EPS8: variants seen among roughly 807,000 people sequenced by gnomAD.
The protein encoded by EPS8 is EGFR pathway substrate 8, signaling adaptor, also known as epidermal growth factor receptor kinase substrate 8.
In EPS8, 42 loss-of-function variants were observed where a neutral mutation model predicts 103.8. The ratio of observed to expected loss-of-function variants is 0.40; its 90% CI spans 0.32 to 0.52. The LOEUF (loss-of-function observed/expected upper bound fraction) is 0.52, where lower values mean the gene tolerates loss of function less well. Among genes scored for constraint, EPS8 ranks in the 20% least tolerant of loss-of-function variants. The pLI is 0.40. For missense variants in EPS8, 969 were observed against 1,005.1 expected (o/e 0.96, Z 0.49); for synonymous variants, 344 against 344.6 (o/e 1.00, Z 0.02).
At chr12:15,681,728 C>CA (rs71042267) in intron 2 of EPS8, among the ~76,000 whole-genome samples, 9,945 of 38,788 alleles carry the variant, frequency 0.26, 1,692 homozygotes, top group Non-Finnish European at 0.34. Flanking sequence ...GACTCTGTCT[C>CA]AAAAAAAAAA....
intron 12 of EPS8, 166 bp downstream of exon 12, chr12:15,657,913 G>C: frequency 1.7e-6 from 1 of 594,682 alleles, no homozygotes; most frequent in South Asian, 1.9e-5. Flanking sequence ...TGATTTACAG[G>C]GTTCTTTTAA....
intron 1 of EPS8, among the ~76,000 whole-genome samples, chr12:15,742,918 G>T (rs1452252989): frequency 6.6e-6 from 1 of 152,182 alleles, no homozygotes; most frequent in Non-Finnish European, 1.5e-5. Context: ...CCAGGGCAAT[G>T]AGGCACGAGA....
In EPS8 at chr12:15,716,691, T is replaced by C. The variant is rs1404403590; in HGVS notation, c.-21-33719A>G. Among the ~76,000 whole-genome samples the C allele has an allele frequency of 2.0e-5, 3 of 152,212 alleles. No individual in the cohort carries two copies. Among genetic ancestry groups the C allele is most frequent in the Non-Finnish European group, 2.9e-5 (2 of 68,032 alleles). On this transcript the variant is annotated intron_variant, in intron 1 of 20. Coordinates refer to ENST00000281172, the MANE Select transcript of EPS8 (RefSeq NM_004447.6). The surrounding 1 kb of genome is among the most constrained non-coding windows in gnomAD (Gnocchi z 5.0). ...TTCCCATACTTTGTAACTACAAATA[T>C]AGAGGCAGACAAAATAGGCTGTAAC...
chr12:15,669,839 A>T lies in EPS8; in HGVS notation c.205-14T>A. ...GGTAGTCAAGTGCTTACAATTGGCA[A>T]AAAGGAAAAAGATTTATAACACATA... On this transcript the variant is annotated splice_polypyrimidine_tract_variant and intron_variant, in intron 4 of 20. Coordinates refer to ENST00000281172, the MANE Select transcript of EPS8 (RefSeq NM_004447.6). The T allele has an allele frequency of 6.4e-7, 1 of 1,569,314 alleles. No homozygotes were observed. The highest frequency in any genetic ancestry group is 1.2e-5 in the South Asian group (1 of 83,882).
chr12:15,652,002 T>C (rs1352692970), intron 13 of EPS8, among the ~76,000 whole-genome samples: 3 of 152,204 alleles, frequency 2.0e-5, no homozygotes, highest in African/African-American at 2.4e-5. Context: ...GCCTGAGCTA[T>C]ATTTGTAATG....
chr12:15,720,794 T>C (rs141355503), intron 1 of EPS8, among the ~76,000 whole-genome samples: 82 of 152,280 alleles, frequency 5.4e-4, no homozygotes, highest in Admixed American at 7.8e-4. Flanking sequence ...TCCCTGGGCA[T>C]GTTGCTCCCT....
intron 1 of EPS8, among the ~76,000 whole-genome samples, chr12:15,723,005 GA>G (rs897410926): frequency 2.2e-4 from 28 of 129,766 alleles, no homozygotes; most frequent in Admixed American, 4.7e-4. Flanking sequence ...TCACTTGTTT[GA>G]AAAAAAAAAA....
Position 15,752,687 on chromosome 12 carries a change from A to G in EPS8, c.-22+36474T>C, listed in dbSNP as rs946961432. Among the ~76,000 whole-genome samples the G allele has an allele frequency of 6.6e-6, 1 of 152,070 alleles. No homozygotes were observed. The highest frequency in any genetic ancestry group is 2.4e-5 in the African/African-American group (1 of 41,376). On this transcript the variant is annotated intron_variant, in intron 1 of 20. Transcript: ENST00000281172. This position sits in a 1 kb window ranked among gnomAD's most constrained non-coding sequence, Gnocchi z 4.4. ...TTCTCCTGCTCAGGAGGTAGAGGAG[A>G]TGGGCCTGAGAAGTTATACCCCGAC... is the stretch of plus-strand genomic sequence containing the variant.
rs1947324890 is a variant in EPS8, at chr12:15,787,709, A to G, written c.-22+1452T>C. On this transcript the variant is annotated intron_variant, in intron 1 of 20. Coordinates refer to ENST00000281172, the MANE Select transcript of EPS8 (RefSeq NM_004447.6). This position sits in a 1 kb window ranked among gnomAD's most constrained non-coding sequence, Gnocchi z 4.9. ...TGTGGTGCAATCTTACAAAGTCTCA[A>G]TCTGTGTATTCTGCAATAAAGGCAT... Among the ~76,000 whole-genome samples the G allele has an allele frequency of 6.6e-6, 1 of 152,112 alleles. No individual in the cohort carries two copies. The highest frequency in any genetic ancestry group is 1.5e-5 in the Non-Finnish European group (1 of 68,012).
At chr12:15,732,811 C>T (rs1293156529) in intron 1 of EPS8, 23 of 944,072 alleles carry the variant, frequency 2.4e-5, no homozygotes, top group African/African-American at 1.1e-4. Context: ...CTTGAGCTAG[C>T]GCTGAAGATT....
In EPS8 at chr12:15,757,868, C is replaced by T. The variant is rs915871417; in HGVS notation, c.-22+31293G>A. Among the ~76,000 whole-genome samples the T allele has an allele frequency of 6.6e-6, 1 of 152,196 alleles. No individual in the cohort carries two copies. Among genetic ancestry groups the T allele is most frequent in the Non-Finnish European group, 1.5e-5 (1 of 68,040 alleles). ...CTTAGAAGAACAATAGCGTAAGGTA[C>T]TAGCTCTCACAGTTTCTTTGCATCA... On this transcript the variant is annotated intron_variant, in intron 1 of 20. Coordinates refer to ENST00000281172, the MANE Select transcript of EPS8 (RefSeq NM_004447.6). The surrounding 1 kb of genome is among the most constrained non-coding windows in gnomAD (Gnocchi z 4.1).
At position 15,751,562 on chromosome 12, in the gene EPS8, C is replaced by A. The variant is rs1946931608; in HGVS notation, c.-22+37599G>T. Among the ~76,000 whole-genome samples, 1 of 151,990 alleles carries A rather than the reference C, an allele frequency of 6.6e-6. No individual in the cohort carries two copies. Among genetic ancestry groups the A allele is most frequent in the Admixed American group, 6.6e-5 (1 of 15,262 alleles). On this transcript the variant is annotated intron_variant, in intron 1 of 20. Transcript: ENST00000281172. This position sits in a 1 kb window ranked among gnomAD's most constrained non-coding sequence, Gnocchi z 4.3. ...TGTGCCTCCACAAACACTTATTCAA[C>A]AAATATTTAATGGACAGATTCAATA...
In EPS8 at chr12:15,749,439, A is replaced by G. The variant is rs1180920894; in HGVS notation, c.-22+39722T>C. ...TAAGCAAAGGGCCTGCACATAATAGAGCTCAATAATCATTTGCCTAATGAA... is the reference window on the plus strand; with the variant it reads ...TAAGCAAAGGGCCTGCACATAATAGGGCTCAATAATCATTTGCCTAATGAA... On this transcript the variant is annotated intron_variant, in intron 1 of 20. Coordinates refer to ENST00000281172, the MANE Select transcript of EPS8 (RefSeq NM_004447.6). This position sits in a 1 kb window ranked among gnomAD's most constrained non-coding sequence, Gnocchi z 4.0. Among the ~76,000 whole-genome samples the G allele has an allele frequency of 6.6e-6, 1 of 152,186 alleles. No individual in the cohort carries two copies. Among genetic ancestry groups the G allele is most frequent in the Non-Finnish European group, 1.5e-5 (1 of 68,028 alleles).
chr12:15,650,725 T>A, intron 14 of EPS8, 98 bp downstream of exon 14: 1 of 1,017,410 alleles, frequency 9.8e-7, no homozygotes, highest in Non-Finnish European at 1.5e-6. Flanking sequence ...TCTAGAACAA[T>A]TTTCAGTTGA....
chr12:15,689,805 C>T (rs150377086), intron 1 of EPS8, among the ~76,000 whole-genome samples: 17 of 152,220 alleles, frequency 1.1e-4, no homozygotes, highest in African/African-American at 3.6e-4. Context: ...TTCACTTATA[C>T]GCAGACTCTA....
intron 1 of EPS8, among the ~76,000 whole-genome samples, chr12:15,737,552 C>A (rs904408868): frequency 6.6e-6 from 1 of 152,110 alleles, no homozygotes; most frequent in Non-Finnish European, 1.5e-5. Context: ...CTCACAATGA[C>A]CCTATGAGGG....
Position 15,640,708 on chromosome 12 carries a change from T to C in EPS8, c.1816A>G (p.Ile606Val). The C allele has an allele frequency of 1.2e-6, 2 of 1,613,636 alleles. No individual in the cohort carries two copies. The highest frequency in any genetic ancestry group is 1.7e-6 in the Non-Finnish European group (2 of 1,179,590). The change falls in exon 17 of 21, where the codon ATA becomes GTA. Residue 606 changes from isoleucine (I) to valine (V), a missense_variant. Physicochemically the swap from Ile to Val is conservative, Grantham distance 29. Coordinates refer to ENST00000281172, the MANE Select transcript of EPS8 (RefSeq NM_004447.6). ...TACTAAGAAATCATGCTCACCTGTA[T>C]AGTATGAGTATAAGGTGGATCAGCA... ...GRADPPYTHT[I>V]QKQRMEYGPR...
chr12:15,737,051 G>A (rs752771819), intron 1 of EPS8, among the ~76,000 whole-genome samples: 4 of 152,142 alleles, frequency 2.6e-5, no homozygotes, highest in Non-Finnish European at 4.4e-5. Flanking sequence ...TAAATGAGAT[G>A]TTAGTATAGT....
Position 15,713,136 on chromosome 12 carries a change from A to T in EPS8, c.-21-30164T>A, listed in dbSNP as rs1330380366. On this transcript the variant is annotated intron_variant, in intron 1 of 20. Transcript: ENST00000281172. This position sits in a 1 kb window ranked among gnomAD's most constrained non-coding sequence, Gnocchi z 4.8. ...TTTTTTTTTAAGTTTTAAATGGTGA[A>T]AATAATACTGGCTAGCATTGACTGA... 2 of 265,006 alleles carry T rather than the reference A, an allele frequency of 7.5e-6. No homozygotes were observed. Among genetic ancestry groups the T allele is most frequent in the African/African-American group, 4.6e-5 (2 of 43,394 alleles). The allele number at this position is 265,006 out of a possible 1,614,324, so 16.4% of individuals were successfully genotyped here. A position where few individuals can be genotyped will look rare whatever the true frequency, so the allele number is the denominator to read the frequency against.
Sources: allele counts gnomAD v4.1 joint callset (sites outside exome capture counted in the v4.1 genomes callset), GRCh38; gene constraint gnomAD v4.1.1; non-coding constraint Gnocchi (gnomAD v3.1); transcripts MANE v1.5; gene names NCBI Gene and HGNC (gene_info 2026-07-23, HGNC 2026-07-21).